Variants in PRKAG2 observed in about 807,000 individuals in gnomAD.
PRKAG2 encodes the protein 5'-AMP-activated protein kinase subunit gamma-2.
Under a neutral mutation model 69.6 loss-of-function variants are expected in PRKAG2, and 26 were observed. The observed-to-expected ratio is 0.37, with a 90% CI of 0.27 to 0.52. The LOEUF (loss-of-function observed/expected upper bound fraction) is 0.52, where lower values mean the gene tolerates loss of function less well. PRKAG2 is among the 20% of genes least tolerant of loss of function. The pLI is 0.90. For missense variants in PRKAG2, 557 were observed against 740.0 expected (o/e 0.75, Z 2.87); for synonymous variants, 293 against 285.0 (o/e 1.03, Z -0.28).
chr7:151,783,980 T>TA (rs1057224406), intron 2 of PRKAG2, among the ~76,000 whole-genome samples: 9 of 146,090 alleles, frequency 6.2e-5, no homozygotes, highest in African/African-American at 2.3e-4. Context: ...TGTGCAGGTC[T>TA]AGGGTGGGAT....
Position 151,633,641 on chromosome 7 carries a change from A to G in PRKAG2, c.685-1503T>C, listed in dbSNP as rs75167888. On this transcript the variant is annotated intron_variant, in intron 4 of 15. Transcript: ENST00000287878. ...AACACATGGAAAAATATATAAAACAATATCACTTAATACAATCACTTCAAA... is the reference window on the plus strand; with the variant it reads ...AACACATGGAAAAATATATAAAACAGTATCACTTAATACAATCACTTCAAA... Among the ~76,000 whole-genome samples the G allele has an allele frequency of 3.3e-3, 500 of 152,198 alleles. 2 individuals carry two copies. Among genetic ancestry groups the G allele is most frequent in the African/African-American group, 0.011 (477 of 41,530 alleles).
At chr7:151,767,198 G>A (rs1224803037) in intron 3 of PRKAG2, among the ~76,000 whole-genome samples, 2 of 152,178 alleles carry the variant, frequency 1.3e-5, no homozygotes, top group Non-Finnish European at 2.9e-5. Flanking sequence ...AAGAACAGAC[G>A]CATGGAACAG....
At chr7:151,691,165 G>A (rs1047618058) in intron 3 of PRKAG2, among the ~76,000 whole-genome samples, 9 of 152,048 alleles carry the variant, frequency 5.9e-5, no homozygotes, top group Non-Finnish European at 1.2e-4. Context: ...GGTGTAATAC[G>A]TGCATATGAC....
Position 151,771,813 on chromosome 7 carries a change from T to C in PRKAG2, c.466+9339A>G, listed in dbSNP as rs967439583. On this transcript the variant is annotated intron_variant, in intron 3 of 15. Transcript: ENST00000287878. The surrounding 1 kb of genome is among the most constrained non-coding windows in gnomAD (Gnocchi z 4.0). ...ATGTCATCAATGATAATTGCCTCTG[T>C]CCCTTCACAGTTTCTGGACCCGGTC... Among the ~76,000 whole-genome samples the C allele has an allele frequency of 6.6e-6, 1 of 152,214 alleles. No homozygotes were observed. The highest frequency in any genetic ancestry group is 1.5e-5 in the Non-Finnish European group (1 of 68,042).
chr7:151,828,312 AG>A lies in PRKAG2; in HGVS notation c.115-41772del, dbSNP rs2078952930. Among the ~76,000 whole-genome samples, 1 of 152,182 alleles carries A rather than the reference AG, an allele frequency of 6.6e-6. No individual in the cohort carries two copies. Among genetic ancestry groups the A allele is most frequent in the Non-Finnish European group, 1.5e-5 (1 of 68,036 alleles). ...ATGGATATCAAATCCTAGCCCAACA[AG>A]GGGTGACGGCAGGACTCTCCCCGGA... On this transcript the variant is annotated intron_variant, in intron 1 of 15. Coordinates refer to ENST00000287878, the MANE Select transcript of PRKAG2 (RefSeq NM_016203.4). The surrounding 1 kb of genome is among the most constrained non-coding windows in gnomAD (Gnocchi z 4.6).
intron 1 of PRKAG2, chr7:151,810,478 G>A (rs1416736431): frequency 6.6e-6 from 1 of 152,266 alleles, no homozygotes; most frequent in African/African-American, 2.4e-5. Flanking sequence ...GGAAAGCCAA[G>A]TTGGGGAAGA....
intron 5 of PRKAG2, among the ~76,000 whole-genome samples, chr7:151,600,422 T>C (rs1815773734): frequency 6.6e-6 from 1 of 152,234 alleles, no homozygotes; most frequent in African/African-American, 2.4e-5. Flanking sequence ...TTTCCTACTG[T>C]GGACATCCAT....
At chr7:151,690,061 T>TAGA (rs1835424955) in intron 3 of PRKAG2, among the ~76,000 whole-genome samples, 1 of 152,184 alleles carries the variant, frequency 6.6e-6, no homozygotes, top group Non-Finnish European at 1.5e-5. Flanking sequence ...GTTGCATCCT[T>TAGA]TCAAAGACGA....
chr7:151,773,695 A>G (rs909295256), intron 3 of PRKAG2, among the ~76,000 whole-genome samples: 2 of 152,142 alleles, frequency 1.3e-5, no homozygotes, highest in African/African-American at 4.8e-5. Flanking sequence ...CTTTAATCTT[A>G]TTATTGGCAG....
chr7:151,855,782 T>C (rs1260416982), intron 1 of PRKAG2, among the ~76,000 whole-genome samples: 2 of 152,098 alleles, frequency 1.3e-5, no homozygotes, highest in African/African-American at 4.8e-5. Context: ...CAGGGATGGG[T>C]AGAGGCTCAG....
chr7:151,697,157 T>C (rs901559133), intron 3 of PRKAG2, among the ~76,000 whole-genome samples: 2 of 152,062 alleles, frequency 1.3e-5, no homozygotes, highest in Non-Finnish European at 2.9e-5. Context: ...GGACACATGA[T>C]AACTGGCAGA....
intron 4 of PRKAG2, among the ~76,000 whole-genome samples, chr7:151,651,356 C>G (rs1046027745): frequency 6.6e-6 from 1 of 152,164 alleles, no homozygotes; most frequent in African/African-American, 2.4e-5. Context: ...CCTGTAATCC[C>G]AGCACTTTGG....
chr7:151,804,285 GAATT>G lies in PRKAG2; in HGVS notation c.115-17748_115-17745del, dbSNP rs546062248. Among the ~76,000 whole-genome samples, 85 of 152,294 alleles carry G rather than the reference GAATT, an allele frequency of 5.6e-4. 2 individuals carry two copies. In the South Asian group the frequency reaches 0.017, roughly 30 times the overall value. ...GCTTTCAATCTTTGGCAATTACAGAGAATTAATACAATAAAAACTTGGTCCATAC... is the reference window on the plus strand; with the variant it reads ...GCTTTCAATCTTTGGCAATTACAGAGAATACAATAAAAACTTGGTCCATAC... On this transcript the variant is annotated intron_variant, in intron 1 of 15. Coordinates refer to ENST00000287878, the MANE Select transcript of PRKAG2 (RefSeq NM_016203.4).
chr7:151,731,535 T>TGTGTGTGTGC (rs10689682), intron 3 of PRKAG2, among the ~76,000 whole-genome samples: 49,818 of 151,626 alleles, frequency 0.33, 9,307 homozygotes, highest in East Asian at 0.45. Flanking sequence ...TGTGTGTGTG[T>TGTGTGTGTGC]GCGCACAGGT....
Position 151,674,668 on chromosome 7 carries a change from T to C in PRKAG2, c.684+752A>G, listed in dbSNP as rs1435590240. 2.6e-5 allele frequency among the ~76,000 whole-genome samples: 4 copies of C among 152,102 alleles called. No homozygotes were observed. The East Asian group carries it at 7.7e-4, about 29-fold the overall frequency. ...CGTCTGTCGCTCCATCCCACTCCTC[T>C]ATGAAATGCTCCCCTTCCAAAGAGG... On this transcript the variant is annotated intron_variant, in intron 4 of 15. Coordinates refer to ENST00000287878, the MANE Select transcript of PRKAG2 (RefSeq NM_016203.4).
chr7:151,688,051 C>CCCCCCG (rs1554539800), intron 3 of PRKAG2, among the ~76,000 whole-genome samples: 2 of 145,734 alleles, frequency 1.4e-5, no homozygotes, highest in Non-Finnish European at 3.1e-5. Flanking sequence ...GGCCCCCCCC[C>CCCCCCG]GGGCTCCTTG....
At position 151,627,406 on chromosome 7, in the gene PRKAG2, G is replaced by A. The variant is rs181874065; in HGVS notation, c.754+4663C>T. Among the ~76,000 whole-genome samples the A allele has an allele frequency of 4.1e-3, 630 of 152,146 alleles. 3 individuals carry two copies. The highest frequency in any genetic ancestry group is 6.9e-3 in the Non-Finnish European group (471 of 67,988). ...TTTGGGAGGCCGAGGCAGGCAGATC[G>A]CTTGAGGCCAGGAGTTCGAGACCAG... On this transcript the variant is annotated intron_variant, in intron 5 of 15. Transcript: ENST00000287878.
At chr7:151,770,559 A>G (rs2075972657) in intron 3 of PRKAG2, among the ~76,000 whole-genome samples, 1 of 152,236 alleles carries the variant, frequency 6.6e-6, no homozygotes, top group South Asian at 2.1e-4. Context: ...TGCTGGCTGC[A>G]GCCTTTTTAA....
chr7:151,714,751 A>G (rs889714312), intron 3 of PRKAG2, among the ~76,000 whole-genome samples: 3 of 151,852 alleles, frequency 2.0e-5, no homozygotes, highest in African/African-American at 7.2e-5. Flanking sequence ...GGAGGTTGAG[A>G]CCAGCCTGGA....
Sources: gnomAD v4.1 joint callset for allele counts (sites outside exome capture counted in the v4.1 genomes callset) on GRCh38, gnomAD v4.1.1 for gene constraint, Gnocchi (gnomAD v3.1) non-coding constraint, MANE v1.5 for transcripts, NCBI Gene and HGNC (gene_info 2026-07-23, HGNC 2026-07-21) for gene names.